Variants in PARD3 observed in about 807,000 individuals in gnomAD.
PARD3 encodes par-3 family cell polarity regulator.
Under a neutral mutation model 155.4 loss-of-function variants are expected in PARD3, and 75 were observed. The ratio of observed to expected loss-of-function variants is 0.48; its 90% CI spans 0.40 to 0.58. The LOEUF (loss-of-function observed/expected upper bound fraction) is 0.58. PARD3 is among the 20% of genes least tolerant of loss of function. The pLI, the probability that PARD3 is intolerant of heterozygous loss-of-function variation, is 0.00. For synonymous variants in PARD3, 576 were observed against 610.5 expected, an observed-to-expected ratio of 0.94 and a Z score of 0.83; for missense variants, 1,642 against 1,721.7, an observed-to-expected ratio of 0.95 and a Z score of 0.82.
intron 5 of PARD3, among the ~76,000 whole-genome samples, chr10:34,416,684 T>G (rs1845709750): frequency 6.6e-6 from 1 of 152,172 alleles, no homozygotes. Context: ...CTGCCCAGTA[T>G]TAACACTGAC....
At chr10:34,688,721 A>G (rs2093995194) in intron 2 of PARD3, among the ~76,000 whole-genome samples, 1 of 152,214 alleles carries the variant, frequency 6.6e-6, no homozygotes, top group African/African-American at 2.4e-5. Flanking sequence ...TATAGGCACT[A>G]ACAGAAAACT....
At chr10:34,415,701 G>A (rs1450223623) in intron 5 of PARD3, among the ~76,000 whole-genome samples, 5 of 152,156 alleles carry the variant, frequency 3.3e-5, no homozygotes, top group African/African-American at 1.2e-4. Flanking sequence ...ATTAAGGAAA[G>A]GAGACACTTG....
At chr10:34,315,530 G>A (rs948931066) in intron 20 of PARD3, among the ~76,000 whole-genome samples, 1 of 152,122 alleles carries the variant, frequency 6.6e-6, no homozygotes, top group Non-Finnish European at 1.5e-5. Flanking sequence ...AAGTCTCAGG[G>A]GAAGGTTTCT....
intron 15 of PARD3, chr10:34,346,243 G>A: frequency 2.6e-6 from 3 of 1,146,718 alleles, no homozygotes; most frequent in Non-Finnish European, 3.3e-6. Context: ...CAAAATCGGG[G>A]CAACAGACTA....
intron 2 of PARD3, among the ~76,000 whole-genome samples, chr10:34,694,153 A>AG (rs1171732808): frequency 2.2e-5 from 3 of 134,242 alleles, no homozygotes; most frequent in Non-Finnish European, 5.2e-5. Context: ...GAGAGGGAGA[A>AG]GAAAAAAAAA....
intron 2 of PARD3, among the ~76,000 whole-genome samples, chr10:34,529,167 A>G (rs904249386): frequency 5.3e-5 from 8 of 152,170 alleles, no homozygotes; most frequent in Admixed American, 2.0e-4. Context: ...ACTACTTGTA[A>G]TTGGGTGCCG....
At chr10:34,719,225 C>T (rs144055196) in intron 1 of PARD3, among the ~76,000 whole-genome samples, 2 of 152,238 alleles carry the variant, frequency 1.3e-5, no homozygotes, top group African/African-American at 2.4e-5. Flanking sequence ...TTAATTGTGA[C>T]GTTTGTTCTA....
intron 7 of PARD3, among the ~76,000 whole-genome samples, chr10:34,389,881 T>G (rs1020377155): frequency 5.3e-5 from 8 of 152,030 alleles, no homozygotes; most frequent in Non-Finnish European, 1.0e-4. Flanking sequence ...GCCAAAAAGG[T>G]AAATAAAAAT....
intron 1 of PARD3, among the ~76,000 whole-genome samples, chr10:34,800,367 T>C (rs767609785): frequency 3.3e-5 from 5 of 152,030 alleles, no homozygotes; most frequent in Admixed American, 6.6e-5. Context: ...CCCAGCACTT[T>C]GGGAGGTCGA....
chr10:34,353,682 C>A (rs1379010857), intron 14 of PARD3, among the ~76,000 whole-genome samples: 1 of 150,926 alleles, frequency 6.6e-6, no homozygotes, highest in African/African-American at 2.4e-5. Context: ...GCCAAATCCC[C>A]CTCTCCGAGA....
chr10:34,734,252 A>C (rs1408506166), intron 1 of PARD3, among the ~76,000 whole-genome samples: 1 of 151,002 alleles, frequency 6.6e-6, no homozygotes, highest in Non-Finnish European at 1.5e-5. Flanking sequence ...TGAGTGATAC[A>C]CTTCTGCACT....
intron 2 of PARD3, among the ~76,000 whole-genome samples, chr10:34,618,606 C>T (rs11817054): frequency 0.07 from 10,656 of 152,100 alleles, 1,244 homozygotes; most frequent in African/African-American, 0.24. Context: ...CCAAACTGAA[C>T]TAATGGTATG....
intron 22 of PARD3, among the ~76,000 whole-genome samples, chr10:34,268,292 AG>A (rs1955433748): frequency 6.6e-6 from 1 of 151,974 alleles, no homozygotes; most frequent in South Asian, 2.1e-4. Context: ...GGTGCTGGAG[AG>A]GATGTGGAGA....
intron 14 of PARD3, among the ~76,000 whole-genome samples, chr10:34,351,619 G>A (rs1412166113): frequency 2.0e-5 from 3 of 152,184 alleles, no homozygotes; most frequent in Admixed American, 6.5e-5. Flanking sequence ...CCCCATGAGG[G>A]CAATGGCAAG....
At chr10:34,580,732 C>G (rs1466428963) in intron 2 of PARD3, among the ~76,000 whole-genome samples, 1 of 152,186 alleles carries the variant, frequency 6.6e-6, no homozygotes, top group African/African-American at 2.4e-5. Context: ...AGCTTGGTCA[C>G]GTAAAGATTT....
chr10:34,606,608 C>CT (rs1241021068), intron 2 of PARD3, among the ~76,000 whole-genome samples: 2 of 144,692 alleles, frequency 1.4e-5, no homozygotes, highest in African/African-American at 5.3e-5. Flanking sequence ...CAAGACCAGC[C>CT]TGGGCAACAT....
In PARD3 at chr10:34,354,244, G is replaced by C. The variant is rs1011754365; in HGVS notation, c.2067+4903C>G. Among the ~76,000 whole-genome samples, 9 of 152,144 alleles carry C rather than the reference G, an allele frequency of 5.9e-5. No individual in the cohort carries two copies. In the East Asian group the frequency reaches 1.5e-3, roughly 26 times the overall value. ...ATACAAAAAATTAGCTGGGCGTGGT[G>C]GTGGGCACCTGTAGTCCCAGCTACT... is the stretch of plus-strand genomic sequence containing the variant. On this transcript the variant is annotated intron_variant, in intron 14 of 24. Coordinates refer to ENST00000374788, the MANE Select transcript of PARD3 (RefSeq NM_001184785.2).
chr10:34,617,212 G>A lies in PARD3; in HGVS notation c.222+79106C>T, dbSNP rs189644737. 2.8e-3 allele frequency among the ~76,000 whole-genome samples: 422 copies of A among 151,704 alleles called. 1 individual carries two copies. The highest frequency in any genetic ancestry group is 9.3e-3 in the African/African-American group (386 of 41,318). On this transcript the variant is annotated intron_variant, in intron 2 of 24. Transcript: ENST00000374788. ...GGAGGCTGCAGTGAGCCGAGATCAC[G>A]CACCATTACACTCCAGCCTGGGCGA...
At chr10:34,423,918 T>C (rs907152125) in intron 5 of PARD3, among the ~76,000 whole-genome samples, 2 of 152,162 alleles carry the variant, frequency 1.3e-5, no homozygotes, top group African/African-American at 2.4e-5. Flanking sequence ...ACATGGGGAA[T>C]TGAAAAGAAA....
Sources: gnomAD v4.1 joint callset for allele counts (sites outside exome capture counted in the v4.1 genomes callset) on GRCh38, gnomAD v4.1.1 for gene constraint, MANE v1.5 for transcripts, NCBI Gene and HGNC (gene_info 2026-07-23, HGNC 2026-07-21) for gene names.